The following MAPKAP1 variants were observed in gnomAD, a reference collection of about 807,000 sequenced individuals.
MAPKAP1 encodes target of rapamycin complex 2 subunit MAPKAP1.
In MAPKAP1, 20 loss-of-function variants were observed where a neutral mutation model predicts 65.7. The observed-to-expected ratio is 0.30, with a 90% confidence interval of 0.21 to 0.44. MAPKAP1 has a LOEUF of 0.44. Among genes scored for constraint, MAPKAP1 ranks in the 20% least tolerant of loss-of-function variants. The pLI, the probability that MAPKAP1 is intolerant of heterozygous loss-of-function variation, is 1.00. For missense variants in MAPKAP1, 423 were observed against 648.0 expected (o/e 0.65, Z 3.77); for synonymous variants, 222 against 244.3 (o/e 0.91, Z 0.85).
At chr9:125,517,726 C>T (rs1829503426) in intron 7 of MAPKAP1, among the ~76,000 whole-genome samples, 1 of 152,154 alleles carries the variant, frequency 6.6e-6, no homozygotes, top group Non-Finnish European at 1.5e-5. Context: ...TTCTTGAATA[C>T]CTAGCCTCAC....
chr9:125,468,146 G>T, intron 9 of MAPKAP1, 37 bp from the exon 10 acceptor site: 1 of 1,605,208 alleles, frequency 6.2e-7, no homozygotes, highest in Non-Finnish European at 8.5e-7. Context: ...GAAAACACAA[G>T]AAGTAGAAGG....
Position 125,595,423 on chromosome 9 carries a change from TC to T in MAPKAP1, c.499-9697del. On this transcript the variant is annotated intron_variant, in intron 4 of 11. Coordinates refer to ENST00000265960, the MANE Select transcript of MAPKAP1 (RefSeq NM_001006617.3). The surrounding 1 kb of genome is among the most constrained non-coding windows in gnomAD (Gnocchi z 4.0). Reference sequence around the variant, plus strand: ...AACATGCTGATGAATTAAAACATTATCTAGAGCAGCTTTTCTCAGCTGATCC... The same window carrying T: ...AACATGCTGATGAATTAAAACATTATTAGAGCAGCTTTTCTCAGCTGATCC... 1.9e-6 allele frequency: 1 copy of T among 529,320 alleles called. No homozygotes were observed. Among genetic ancestry groups the T allele is most frequent in the Admixed American group, 5.3e-5 (1 of 18,882 alleles). The allele number at this position is 529,320 out of a possible 1,614,324, so 32.8% of individuals were successfully genotyped here. A position where few individuals can be genotyped will look rare whatever the true frequency, so the allele number is the denominator to read the frequency against.
At chr9:125,553,106 TAC>T (rs1303049530) in intron 6 of MAPKAP1, among the ~76,000 whole-genome samples, 1 of 151,982 alleles carries the variant, frequency 6.6e-6, no homozygotes, top group Non-Finnish European at 1.5e-5. Context: ...GAGATAAAGA[TAC>T]AGATATAGGC....
At chr9:125,463,812 C>T (rs896094514) in intron 10 of MAPKAP1, among the ~76,000 whole-genome samples, 2 of 152,164 alleles carry the variant, frequency 1.3e-5, no homozygotes, top group African/African-American at 2.4e-5. Flanking sequence ...TGAGATACAG[C>T]GCTCTTTTCA....
At chr9:125,634,972 C>T (rs1006088712) in intron 4 of MAPKAP1, among the ~76,000 whole-genome samples, 8 of 152,166 alleles carry the variant, frequency 5.3e-5, no homozygotes, top group Non-Finnish European at 1.2e-4. Flanking sequence ...TAGTCTTCTG[C>T]TTTTCTCCAT....
intron 4 of MAPKAP1, among the ~76,000 whole-genome samples, chr9:125,641,649 T>C (rs1218778396): frequency 6.6e-6 from 1 of 152,158 alleles, no homozygotes; most frequent in Non-Finnish European, 1.5e-5. Context: ...CTCACACCTG[T>C]AATCCCAGGA....
At chr9:125,558,239 G>A (rs540017710) in intron 6 of MAPKAP1, among the ~76,000 whole-genome samples, 5 of 152,230 alleles carry the variant, frequency 3.3e-5, no homozygotes, top group Admixed American at 6.5e-5. Context: ...ATATACACAC[G>A]ATTATTATAC....
Position 125,585,643 on chromosome 9 carries a change from C to A in MAPKAP1, c.583G>T (p.Val195Leu). ...ACCCTGGCGCTGGCCATTGTCACCA[C>A]GGTCATTGGCAGCAGTCTGTCCTGG... ...SSQDRLLPMTVVTMASARVQD... is the reference protein window; with the variant it reads ...SSQDRLLPMTLVTMASARVQD... The change falls in exon 5 of 12, where the codon GTG becomes TTG. Residue 195 changes from valine (V) to leucine (L), a missense_variant. Around this residue, in one of 6 missense-constraint regions of MAPKAP1, gnomAD observed 98 missense variants for 200.5 expected, o/e 0.49. Coordinates refer to ENST00000265960, the MANE Select transcript of MAPKAP1 (RefSeq NM_001006617.3). 1 of 1,614,248 alleles carries A rather than the reference C, an allele frequency of 6.2e-7. No individual in the cohort carries two copies. Among genetic ancestry groups the A allele is most frequent in the East Asian group, 2.2e-5 (1 of 44,888 alleles).
intron 11 of MAPKAP1, among the ~76,000 whole-genome samples, chr9:125,443,901 C>T (rs1021136806): frequency 2.6e-5 from 4 of 152,240 alleles, no homozygotes; most frequent in South Asian, 2.1e-4. Context: ...TTGAGACTAA[C>T]GATCTCTTTG....
At chr9:125,670,781 T>C (rs1834474850) in intron 2 of MAPKAP1, among the ~76,000 whole-genome samples, 1 of 152,150 alleles carries the variant, frequency 6.6e-6, no homozygotes, top group African/African-American at 2.4e-5. Flanking sequence ...AAAAAGAAAG[T>C]CACAATTGAT....
chr9:125,451,945 G>C (rs1024877614), intron 10 of MAPKAP1, among the ~76,000 whole-genome samples: 3 of 152,004 alleles, frequency 2.0e-5, no homozygotes, highest in South Asian at 4.2e-4. Flanking sequence ...GAGTAGCTGG[G>C]ATTACAGGCG....
chr9:125,451,691 G>A (rs1012648212), intron 10 of MAPKAP1, among the ~76,000 whole-genome samples: 3 of 151,930 alleles, frequency 2.0e-5, no homozygotes, highest in South Asian at 2.1e-4. Flanking sequence ...TTTATCTTCC[G>A]TCCCTCTCTA....
chr9:125,685,440 A>G (rs1364363943), intron 1 of MAPKAP1, among the ~76,000 whole-genome samples: 2 of 152,216 alleles, frequency 1.3e-5, no homozygotes, highest in Admixed American at 1.3e-4. Flanking sequence ...GCCAAGGAGC[A>G]AGTAGTAGAT....
chr9:125,574,303 A>C (rs1831327117), intron 5 of MAPKAP1, among the ~76,000 whole-genome samples: 1 of 152,254 alleles, frequency 6.6e-6, no homozygotes, highest in Non-Finnish European at 1.5e-5. Flanking sequence ...GAAGAATGAG[A>C]AAAGCATTTC....
intron 7 of MAPKAP1, among the ~76,000 whole-genome samples, chr9:125,541,318 GT>G (rs1308823585): frequency 6.6e-6 from 1 of 152,172 alleles, no homozygotes; most frequent in Non-Finnish European, 1.5e-5. Context: ...TTGCTCAGCT[GT>G]ATCTAAGTAA....
intron 10 of MAPKAP1, among the ~76,000 whole-genome samples, chr9:125,454,137 A>G (rs537441958): frequency 2.0e-5 from 3 of 152,382 alleles, no homozygotes; most frequent in Non-Finnish European, 4.4e-5. Flanking sequence ...TTCTGAATGC[A>G]GCAGAAATGC....
At position 125,696,609 on chromosome 9, in the gene MAPKAP1, GA is replaced by G. The variant is rs138798138; in HGVS notation, c.-70+10361del. ...AGATATGTCTTATAAATGCATATAT[GA>G]AAAAAAAAACAAAAAACCTTAAGCT... On this transcript the variant is annotated intron_variant, in intron 1 of 11. Coordinates refer to ENST00000265960, the MANE Select transcript of MAPKAP1 (RefSeq NM_001006617.3). Among the ~76,000 whole-genome samples, 927 of 145,396 alleles carry G rather than the reference GA, an allele frequency of 6.4e-3. 17 individuals are homozygous for G. The highest frequency in any genetic ancestry group is 0.022 in the African/African-American group (885 of 39,690).
intron 5 of MAPKAP1, among the ~76,000 whole-genome samples, chr9:125,563,191 T>A (rs771640898): frequency 8.5e-5 from 13 of 152,244 alleles, no homozygotes; most frequent in African/African-American, 2.6e-4. Context: ...AATAAAAAAC[T>A]GGTGGACTTT....
chr9:125,503,794 G>A (rs1187987071), intron 8 of MAPKAP1, among the ~76,000 whole-genome samples: 2 of 147,556 alleles, frequency 1.4e-5, no homozygotes, highest in Admixed American at 6.8e-5. Context: ...TGAGCTCACT[G>A]CAACCTCTGC....
Sources: allele counts gnomAD v4.1 joint callset (sites outside exome capture counted in the v4.1 genomes callset), GRCh38; gene constraint gnomAD v4.1.1; regional missense constraint gnomAD v4.1.1; non-coding constraint Gnocchi (gnomAD v3.1); transcripts MANE v1.5; gene names NCBI Gene and HGNC (gene_info 2026-07-23, HGNC 2026-07-21).